The following CNTN4 variants were observed in gnomAD, a reference collection of about 807,000 sequenced individuals.
CNTN4 encodes the protein contactin 4, also known as contactin-4.
A neutral mutation model predicts 122.5 loss-of-function variants in CNTN4; 77 were observed. The ratio of observed to expected loss-of-function variants is 0.63; its 90% CI spans 0.52 to 0.76. The LOEUF is 0.76. Among genes scored for constraint, CNTN4 ranks in the 30% least tolerant of loss-of-function variants. The pLI is 0.00. For missense variants in CNTN4, 1,256 were observed against 1,259.1 expected (o/e 1.00, Z 0.04); for synonymous variants, 512 against 447.0 (o/e 1.15, Z -1.83).
chr3:2,119,305 C>T (rs1467263313), intron 2 of CNTN4, among the ~76,000 whole-genome samples: 2 of 152,172 alleles, frequency 1.3e-5, no homozygotes, highest in East Asian at 3.8e-4. Flanking sequence ...GTCTCTCTCT[C>T]CGTGTATACA....
intron 3 of CNTN4, among the ~76,000 whole-genome samples, chr3:2,562,518 A>G (rs946218267): frequency 2.1e-4 from 32 of 152,112 alleles, no homozygotes; most frequent in African/African-American, 7.5e-4. Context: ...GTTTAGTATA[A>G]TGGCCTCCAG....
chr3:2,825,960 C>T (rs1402641078), intron 7 of CNTN4, among the ~76,000 whole-genome samples: 1 of 152,122 alleles, frequency 6.6e-6, no homozygotes, highest in African/African-American at 2.4e-5. Context: ...ACACGAACAT[C>T]TGTAGAGTCC....
chr3:2,741,188 C>T (rs910662538), intron 5 of CNTN4, among the ~76,000 whole-genome samples: 1 of 152,136 alleles, frequency 6.6e-6, no homozygotes, highest in Non-Finnish European at 1.5e-5. Flanking sequence ...CTTACTAGTA[C>T]TGTTAATTTG....
intron 14 of CNTN4, among the ~76,000 whole-genome samples, chr3:3,016,649 G>A (rs139939113): frequency 3.3e-4 from 51 of 152,270 alleles, no homozygotes; most frequent in Non-Finnish European, 6.6e-4. Flanking sequence ...CATTAGAACC[G>A]TCTTCATAAT....
intron 2 of CNTN4, among the ~76,000 whole-genome samples, chr3:2,158,212 A>G (rs550675921): frequency 1.3e-5 from 2 of 152,350 alleles, no homozygotes; most frequent in South Asian, 4.1e-4. Context: ...GAAACTTGTG[A>G]CAAATGACTT....
chr3:2,203,905 A>C (rs1349790515), intron 2 of CNTN4, among the ~76,000 whole-genome samples: 1 of 152,170 alleles, frequency 6.6e-6, no homozygotes, highest in Admixed American at 6.5e-5. Context: ...ACATAAGTTC[A>C]AATTACAGGC....
chr3:2,581,428 T>G (rs1193116868), intron 4 of CNTN4, among the ~76,000 whole-genome samples: 1 of 152,156 alleles, frequency 6.6e-6, no homozygotes, highest in Non-Finnish European at 1.5e-5. Context: ...AGTATCCCAA[T>G]TTTACATATG....
At chr3:2,717,782 T>C (rs1312191922) in intron 4 of CNTN4, among the ~76,000 whole-genome samples, 1 of 25,620 alleles carries the variant, frequency 3.9e-5, no homozygotes, top group Non-Finnish European at 6.9e-5. Flanking sequence ...TGACTTCATG[T>C]AATCACTCCA....
intron 2 of CNTN4, among the ~76,000 whole-genome samples, chr3:2,317,711 G>T (rs939911440): frequency 6.6e-6 from 1 of 152,142 alleles, no homozygotes; most frequent in African/African-American, 2.4e-5. Context: ...AATTGGAGCT[G>T]TTACACTTTG....
chr3:2,256,500 TCA>T (rs2040597803), intron 2 of CNTN4, among the ~76,000 whole-genome samples: 1 of 152,088 alleles, frequency 6.6e-6, no homozygotes, highest in African/African-American at 2.4e-5. Flanking sequence ...AAAGAAAATT[TCA>T]GGTCAGTATC....
intron 4 of CNTN4, among the ~76,000 whole-genome samples, chr3:2,581,115 C>T (rs1201026126): frequency 6.6e-6 from 1 of 152,150 alleles, no homozygotes; most frequent in Non-Finnish European, 1.5e-5. Flanking sequence ...GATTTTGGGG[C>T]TCAGGCCCAG....
chr3:2,169,535 TA>T (rs2036356384), intron 2 of CNTN4, among the ~76,000 whole-genome samples: 1 of 145,764 alleles, frequency 6.9e-6, no homozygotes, highest in Non-Finnish European at 1.5e-5. Flanking sequence ...GCCTCCCGAG[TA>T]GCTGGGACTA....
intron 6 of CNTN4, among the ~76,000 whole-genome samples, chr3:2,781,118 A>T (rs2091551661): frequency 6.6e-6 from 1 of 152,216 alleles, no homozygotes; most frequent in African/African-American, 2.4e-5. Context: ...ACCAACAAAC[A>T]TGCCCTAAGA....
rs73112781 is a variant in CNTN4, at chr3:2,882,985, C to G, written c.653-160C>G. The G allele has an allele frequency of 4.3e-4, 257 of 594,388 alleles. 1 individual carries two copies. Among genetic ancestry groups the G allele is most frequent in the African/African-American group, 4.3e-3 (230 of 53,682 alleles). 36.8% of individuals were successfully genotyped at this position (594,388 alleles called of 1,614,324 possible). A position where few individuals can be genotyped will look rare whatever the true frequency, so the allele number is the denominator to read the frequency against. On this transcript the variant is annotated intron_variant, in intron 8 of 24. Coordinates refer to ENST00000418658, the MANE Select transcript of CNTN4 (RefSeq NM_175607.3). ...CTGTAGCAGTAACTGGGAGAAGAGC[C>G]ACAATTCATGACTGCTGGAGATAGG...
In CNTN4 at chr3:2,575,280, A is replaced by G. The variant is rs555207066; in HGVS notation, c.55+3722A>G. 9.9e-5 allele frequency among the ~76,000 whole-genome samples: 15 copies of G among 152,240 alleles called. No homozygotes were observed. The South Asian group carries it at 3.1e-3, about 32-fold the overall frequency. ...GTAATCCCAGCACTTTGGGAGGCAA[A>G]GCGGGCGGACCACTTAAGGCCAGGA... On this transcript the variant is annotated intron_variant, in intron 4 of 24. Transcript: ENST00000418658.
intron 3 of CNTN4, among the ~76,000 whole-genome samples, chr3:2,340,706 T>TAGAGAGAGAGAGAGAGAGAGAG (rs1176854234): frequency 4.2e-5 from 1 of 24,058 alleles, no homozygotes; most frequent in African/African-American, 8.7e-5. Flanking sequence ...TATATATATA[T>TAGAGAGAGAGAGAGAGAGAGAG]ATATAGAGAG....
At chr3:2,736,774 A>ATTTG (rs2089135700) in intron 5 of CNTN4, among the ~76,000 whole-genome samples, 1 of 136,500 alleles carries the variant, frequency 7.3e-6, no homozygotes, top group African/African-American at 2.8e-5. Flanking sequence ...AAGAGCTTTT[A>ATTTG]TTTATTTATT....
At chr3:2,696,261 C>T (rs1457087536) in intron 4 of CNTN4, among the ~76,000 whole-genome samples, 1 of 152,152 alleles carries the variant, frequency 6.6e-6, no homozygotes, top group Non-Finnish European at 1.5e-5. Flanking sequence ...TTAGGTAATA[C>T]ATATCATTAA....
intron 2 of CNTN4, among the ~76,000 whole-genome samples, chr3:2,176,260 A>G (rs2036744026): frequency 6.6e-6 from 1 of 152,138 alleles, no homozygotes; most frequent in Non-Finnish European, 1.5e-5. Flanking sequence ...CACTTGATAT[A>G]CTTTCTACCA....
Sources: gnomAD v4.1 joint callset for allele counts (sites outside exome capture counted in the v4.1 genomes callset) on GRCh38, gnomAD v4.1.1 for gene constraint, MANE v1.5 for transcripts, NCBI Gene and HGNC (gene_info 2026-07-23, HGNC 2026-07-21) for gene names.